Variants in SCAPER observed in about 807,000 individuals in gnomAD.
The protein encoded by SCAPER is S phase cyclin A-associated protein in the endoplasmic reticulum.
Under a neutral mutation model 182.2 loss-of-function variants are expected in SCAPER, and 98 were observed. The observed-to-expected ratio is 0.54, with a 90% confidence interval of 0.46 to 0.64. The LOEUF is 0.64. SCAPER is among the 30% of genes least tolerant of loss of function. The pLI is 0.00. For missense variants in SCAPER, 1,432 were observed against 1,690.0 expected (o/e 0.85, Z 2.68); for synonymous variants, 605 against 564.6 (o/e 1.07, Z -1.01).
rs1248985063 is a variant in SCAPER at position 76,771,868 on chromosome 15, G to A, written c.1122C>T (p.His374=). Residue 374 remains histidine (H), a synonymous_variant, in exon 10 of 32, where the codon CAC becomes CAT. Transcript: ENST00000563290. The part of the protein sequence containing the change: ...YVRTSEISAV[H]IDTECVSVML... Reference sequence around the variant, plus strand: ...TAACTGAAACACACTCTGTATCAATGTGGACAGCAGATATTTCAGAAGTTC... The same window carrying A: ...TAACTGAAACACACTCTGTATCAATATGGACAGCAGATATTTCAGAAGTTC... 1 of 1,612,948 alleles carries A rather than the reference G, an allele frequency of 6.2e-7. No homozygotes were observed. Among genetic ancestry groups the A allele is most frequent in the South Asian group, 1.1e-5 (1 of 91,056 alleles).
chr15:76,764,812 T>A (rs911980876), intron 14 of SCAPER, 149 bp downstream of exon 14: 3 of 554,858 alleles, frequency 5.4e-6, no homozygotes, highest in African/African-American at 2.0e-5. Flanking sequence ...TAGTTAACCT[T>A]CTTGGATTCA....
intron 1 of SCAPER, among the ~76,000 whole-genome samples, chr15:76,896,881 G>A (rs1036614448): frequency 6.6e-6 from 1 of 152,166 alleles, no homozygotes; most frequent in African/African-American, 2.4e-5. Context: ...AGGAGATAGA[G>A]GCTACAGTAA....
rs1410601809 is a variant in SCAPER, at chr15:76,511,882, TA to T, written c.2839-6909del. ...GTGTGTGTGTGTGTGTATATATATA[TA>T]TATTTTTTTTTTTTTTTGAGATGGA... On this transcript the variant is annotated intron_variant, in intron 23 of 31. Coordinates refer to ENST00000563290, the MANE Select transcript of SCAPER (RefSeq NM_020843.4). 3.4e-3 allele frequency among the ~76,000 whole-genome samples: 397 copies of T among 116,536 alleles called. 3 individuals carry two copies. The highest frequency in any genetic ancestry group is 0.012 in the African/African-American group (334 of 27,376). 76.5% of individuals were successfully genotyped at this position (116,536 alleles called of 152,430 possible). A position where few individuals can be genotyped will look rare whatever the true frequency, so the allele number is the denominator to read the frequency against.
At chr15:76,521,258 A>G (rs1340083211) in intron 23 of SCAPER, among the ~76,000 whole-genome samples, 1 of 149,736 alleles carries the variant, frequency 6.7e-6, no homozygotes, top group African/African-American at 2.6e-5. Context: ...TTTTTATGGT[A>G]TATTTTATAA....
intron 8 of SCAPER, among the ~76,000 whole-genome samples, chr15:76,787,893 G>A (rs1472292395): frequency 6.6e-6 from 1 of 152,066 alleles, no homozygotes; most frequent in Non-Finnish European, 1.5e-5. Context: ...CTTCTGCTGT[G>A]CAAAACACCC....
intron 27 of SCAPER, among the ~76,000 whole-genome samples, chr15:76,388,532 C>T (rs1055493452): frequency 6.6e-6 from 1 of 152,048 alleles, no homozygotes; most frequent in African/African-American, 2.4e-5. Flanking sequence ...TCTTCTTCAT[C>T]CTGGAAGAGG....
rs537520098 is a variant in SCAPER at position 76,722,568 on chromosome 15, T to C, written c.2165+6027A>G. Among the ~76,000 whole-genome samples, 233 of 152,356 alleles carry C rather than the reference T, an allele frequency of 1.5e-3. 1 individual carries two copies. The highest frequency in any genetic ancestry group is 5.5e-3 in the African/African-American group (227 of 41,584). On this transcript the variant is annotated intron_variant, in intron 17 of 31. Transcript: ENST00000563290. Reference sequence around the variant, plus strand: ...AATCCGTCTGGTCCTGGACTTTCTTTGGTTGGTAAGCTATTAATTATTGCC... The same window carrying C: ...AATCCGTCTGGTCCTGGACTTTCTTCGGTTGGTAAGCTATTAATTATTGCC...
chr15:76,900,328 T>C (rs1015105033), intron 1 of SCAPER, among the ~76,000 whole-genome samples: 11 of 102,420 alleles, frequency 1.1e-4, no homozygotes, highest in African/African-American at 2.7e-4. Context: ...CACCCAAGAA[T>C]GATCAATAAA....
At position 76,374,669 on chromosome 15, in the gene SCAPER, C is replaced by T. The variant is rs573304965; in HGVS notation, c.3855+1493G>A. On this transcript the variant is annotated intron_variant, in intron 29 of 31. Coordinates refer to ENST00000563290, the MANE Select transcript of SCAPER (RefSeq NM_020843.4). The stretch of plus-strand genomic sequence containing the variant: ...GTTAATTTTGTATTTTTAGTAGAGA[C>T]GGGGTTTCTTCATGTTGGTGAGTAT... 5.3e-4 allele frequency among the ~76,000 whole-genome samples: 81 copies of T among 151,472 alleles called. 1 individual carries two copies. The highest frequency in any genetic ancestry group is 6.8e-3 in the Middle Eastern group (2 of 294).
intron 23 of SCAPER, among the ~76,000 whole-genome samples, chr15:76,544,203 T>C (rs966437991): frequency 6.6e-6 from 1 of 152,178 alleles, no homozygotes; most frequent in African/African-American, 2.4e-5. Flanking sequence ...GGAATCTTCT[T>C]CACACACTGC....
intron 5 of SCAPER, among the ~76,000 whole-genome samples, chr15:76,837,484 C>T (rs527348443): frequency 1.4e-4 from 22 of 152,192 alleles, no homozygotes; most frequent in African/African-American, 4.8e-4. Flanking sequence ...GGGGAAAAGC[C>T]CCTTATAAAA....
At chr15:76,438,886 A>AT (rs2047376726) in intron 25 of SCAPER, among the ~76,000 whole-genome samples, 2 of 152,076 alleles carry the variant, frequency 1.3e-5, no homozygotes, top group African/African-American at 4.8e-5. Context: ...TCGGTAAAAG[A>AT]TTTTTTGGTC....
chr15:76,369,444 G>A (rs1178042810), intron 29 of SCAPER, among the ~76,000 whole-genome samples: 1 of 152,208 alleles, frequency 6.6e-6, no homozygotes, highest in East Asian at 1.9e-4. Flanking sequence ...GAAACTCACT[G>A]AACTGCCAGT....
At chr15:76,386,867 T>G (rs2043327337) in intron 27 of SCAPER, among the ~76,000 whole-genome samples, 1 of 152,128 alleles carries the variant, frequency 6.6e-6, no homozygotes, top group Admixed American at 6.5e-5. Context: ...AAACTTTTAC[T>G]GAGTGACATG....
In SCAPER at chr15:76,873,323, AAGGAAGGAAGGC is replaced by A. The variant is rs1305895906; in HGVS notation, c.6+10477_6+10488del. On this transcript the variant is annotated intron_variant, in intron 2 of 31. Coordinates refer to ENST00000563290, the MANE Select transcript of SCAPER (RefSeq NM_020843.4). ...GAAGGAAGGAAGGAAGGAAGGAAGG[AAGGAAGGAAGGC>A]AGGCAGGCAGGCAGGCAGGCAGGCA... Among the ~76,000 whole-genome samples, 704 of 124,778 alleles carry A rather than the reference AAGGAAGGAAGGC, an allele frequency of 5.6e-3. 1 individual carries two copies. Among genetic ancestry groups the A allele is most frequent in the African/African-American group, 0.011 (338 of 30,010 alleles). 81.9% of individuals were successfully genotyped at this position (124,778 alleles called of 152,430 possible). A position where few individuals can be genotyped will look rare whatever the true frequency, so the allele number is the denominator to read the frequency against.
chr15:76,640,339 G>T (rs1429106600), intron 21 of SCAPER, among the ~76,000 whole-genome samples: 1 of 152,160 alleles, frequency 6.6e-6, no homozygotes, highest in Non-Finnish European at 1.5e-5. Flanking sequence ...TCTGATTTTT[G>T]TATAACTCCG....
rs71143321 is a variant in SCAPER at position 76,397,474 on chromosome 15, C to CTTTTTTTTT, written c.3467+7041_3467+7049dup. ...TCCTGGGCTTTTCTTTATTGGCAGA[C>CTTTTTTTTT]TTTTTTTTTTTTTTTTTTTTTTTGA... On this transcript the variant is annotated intron_variant, in intron 27 of 31. Transcript: ENST00000563290. Among the ~76,000 whole-genome samples, 5 of 71,540 alleles carry CTTTTTTTTT rather than the reference C, an allele frequency of 7.0e-5. 1 individual carries two copies. Among genetic ancestry groups the CTTTTTTTTT allele is most frequent in the Non-Finnish European group, 7.5e-5 (3 of 40,200 alleles). 46.9% of individuals were successfully genotyped at this position (71,540 alleles called of 152,430 possible).
chr15:76,363,854 G>A (rs1449166816), intron 29 of SCAPER, among the ~76,000 whole-genome samples: 6 of 152,124 alleles, frequency 3.9e-5, no homozygotes, highest in African/African-American at 7.2e-5. Context: ...CAGCAGCTGC[G>A]GTGGCCAGGC....
Position 76,405,835 on chromosome 15 carries a change from T to A in SCAPER, c.3312-1156A>T, listed in dbSNP as rs538075618. Reference sequence around the variant, plus strand: ...AGGAATTGAGGTTTTGGTGTGTAAGTGCACTACAGTCCCCACTATTCATTT... The same window carrying A: ...AGGAATTGAGGTTTTGGTGTGTAAGAGCACTACAGTCCCCACTATTCATTT... On this transcript the variant is annotated intron_variant, in intron 26 of 31. Transcript: ENST00000563290. Among the ~76,000 whole-genome samples the A allele has an allele frequency of 1.1e-4, 16 of 152,320 alleles. 1 individual carries two copies. The East Asian group carries it at 2.9e-3, about 28-fold the overall frequency.
Sources: allele counts gnomAD v4.1 joint callset (sites outside exome capture counted in the v4.1 genomes callset), GRCh38; gene constraint gnomAD v4.1.1; transcripts MANE v1.5; gene names NCBI Gene and HGNC (gene_info 2026-07-23, HGNC 2026-07-21).